Variants in DGKG observed in about 807,000 individuals in gnomAD.
DGKG encodes the protein DAG kinase gamma.
In DGKG, 78 loss-of-function variants were observed where a neutral mutation model predicts 105.3. That is an observed-to-expected ratio of 0.74 (90% confidence interval 0.62 to 0.89). The LOEUF is 0.89. DGKG is among the 40% of genes least tolerant of loss of function. DGKG has a pLI of 0.00. For missense variants in DGKG, 958 were observed against 1,020.1 expected (o/e 0.94, Z 0.83); for synonymous variants, 346 against 367.1 (o/e 0.94, Z 0.66).
intron 17 of DGKG, among the ~76,000 whole-genome samples, chr3:186,255,187 C>T (rs563729685): frequency 1.5e-4 from 23 of 152,350 alleles, no homozygotes; most frequent in African/African-American, 5.0e-4. Context: ...GGGTCTCATT[C>T]TCACAGCATC....
intron 20 of DGKG, among the ~76,000 whole-genome samples, chr3:186,217,836 A>G (rs1231435920): frequency 3.3e-5 from 5 of 152,232 alleles, no homozygotes; most frequent in Non-Finnish European, 7.3e-5. Context: ...AAGTTGTCAA[A>G]ACATGAAAAC....
intron 15 of DGKG, 98 bp from the exon 16 acceptor site, chr3:186,260,611 G>T: frequency 1.1e-6 from 1 of 915,158 alleles, no homozygotes; most frequent in East Asian, 2.5e-5. Context: ...GGAGCCCACT[G>T]GTGGCAGGGA....
intron 1 of DGKG, among the ~76,000 whole-genome samples, chr3:186,354,839 G>T (rs1726830394): frequency 6.6e-6 from 1 of 152,138 alleles, no homozygotes; most frequent in African/African-American, 2.4e-5. Context: ...GTGAGACCCT[G>T]GCTCCTATTC....
At chr3:186,153,226 C>T (rs1445724044) in intron 24 of DGKG, among the ~76,000 whole-genome samples, 1 of 152,114 alleles carries the variant, frequency 6.6e-6, no homozygotes, top group African/African-American at 2.4e-5. Flanking sequence ...ATCATATCCT[C>T]ATTTCCAGTC....
chr3:186,315,517 A>C (rs1280875444), intron 2 of DGKG, among the ~76,000 whole-genome samples: 1 of 152,172 alleles, frequency 6.6e-6, no homozygotes, highest in East Asian at 1.9e-4. Flanking sequence ...CCATAAATAA[A>C]TTCAGTTCTC....
intron 24 of DGKG, among the ~76,000 whole-genome samples, chr3:186,152,676 A>G (rs1308127112): frequency 6.6e-6 from 1 of 151,508 alleles, no homozygotes; most frequent in African/African-American, 2.4e-5. Flanking sequence ...ACATTTTTTT[A>G]TTTTTGAGAC....
chr3:186,250,396 A>T lies in DGKG; in HGVS notation c.1761+1363T>A, dbSNP rs138142992. Among the ~76,000 whole-genome samples the T allele has an allele frequency of 9.3e-4, 141 of 152,214 alleles. 1 individual carries two copies. Among genetic ancestry groups the T allele is most frequent in the African/African-American group, 3.3e-3 (137 of 41,526 alleles). On this transcript the variant is annotated intron_variant, in intron 19 of 24. Coordinates refer to ENST00000265022, the MANE Select transcript of DGKG (RefSeq NM_001346.3). The stretch of plus-strand genomic sequence containing the variant: ...GATGCCGGGCTTAGTACCTAGGTGA[A>T]GGGATGATGTGTGCAGCAACTCACC...
intron 11 of DGKG, among the ~76,000 whole-genome samples, chr3:186,271,954 T>C (rs937692269): frequency 6.6e-6 from 1 of 152,242 alleles, no homozygotes; most frequent in African/African-American, 2.4e-5. Flanking sequence ...GTAGCACACA[T>C]CTCACTATTC....
chr3:186,184,795 T>C (rs1717541526), intron 22 of DGKG, among the ~76,000 whole-genome samples: 1 of 151,872 alleles, frequency 6.6e-6, no homozygotes, highest in Non-Finnish European at 1.5e-5. Context: ...GATTTCTCCC[T>C]CTCCTCCAAC....
At chr3:186,192,726 T>C (rs1167671072) in intron 21 of DGKG, among the ~76,000 whole-genome samples, 1 of 152,196 alleles carries the variant, frequency 6.6e-6, no homozygotes, top group African/African-American at 2.4e-5. Flanking sequence ...GCTAGGCTTA[T>C]AGCAAAATTA....
chr3:186,250,846 G>T (rs1721186748), intron 19 of DGKG, among the ~76,000 whole-genome samples: 1 of 151,972 alleles, frequency 6.6e-6, no homozygotes, highest in Non-Finnish European at 1.5e-5. Flanking sequence ...TACCGTGCCT[G>T]ACCAATTCTG....
intron 17 of DGKG, among the ~76,000 whole-genome samples, chr3:186,256,234 G>C (rs898537941): frequency 2.0e-5 from 3 of 152,148 alleles, no homozygotes; most frequent in East Asian, 3.9e-4. Context: ...CAAAGCGCCC[G>C]GGGGAGTGGC....
intron 5 of DGKG, among the ~76,000 whole-genome samples, chr3:186,289,961 C>T (rs1299334014): frequency 6.6e-6 from 1 of 152,104 alleles, no homozygotes; most frequent in African/African-American, 2.4e-5. Flanking sequence ...TCCAGGGATT[C>T]AGTTGTGGGT....
intron 21 of DGKG, among the ~76,000 whole-genome samples, chr3:186,196,515 C>T (rs1366555976): frequency 6.6e-6 from 1 of 152,156 alleles, no homozygotes; most frequent in Admixed American, 6.6e-5. Flanking sequence ...GTCCAAATAT[C>T]TCATTTTATA....
At chr3:186,227,293 T>A (rs1325352519) in intron 20 of DGKG, among the ~76,000 whole-genome samples, 1 of 152,190 alleles carries the variant, frequency 6.6e-6, no homozygotes, top group Non-Finnish European at 1.5e-5. Flanking sequence ...AAACTTCAAA[T>A]CCATTGATTT....
chr3:186,275,945 GATCTATCTATCTATCTATCTATCT>G lies in DGKG; in HGVS notation c.793-305_793-282del, dbSNP rs146027394. Among the ~76,000 whole-genome samples the G allele has an allele frequency of 6.2e-3, 927 of 148,694 alleles. 9 individuals are homozygous for G. Among genetic ancestry groups the G allele is most frequent in the African/African-American group, 0.019 (773 of 40,288 alleles). ...AGAAGCATAAACTGAACAACAATCT[GATCTATCTATCTATCTATCTATCT>G]ATCTATCTATCTATCTATCTATCTA... On this transcript the variant is annotated intron_variant, in intron 9 of 24. Transcript: ENST00000265022.
chr3:186,230,392 A>G (rs1432798580), intron 20 of DGKG, among the ~76,000 whole-genome samples: 1 of 152,228 alleles, frequency 6.6e-6, no homozygotes, highest in Non-Finnish European at 1.5e-5. Context: ...GCATTTTGAA[A>G]CAAGTGATGA....
chr3:186,161,962 T>C (rs1400029060), intron 23 of DGKG, among the ~76,000 whole-genome samples: 2 of 152,184 alleles, frequency 1.3e-5, no homozygotes, highest in Non-Finnish European at 2.9e-5. Context: ...TGGCATGATC[T>C]TGGCTCACTG....
intron 24 of DGKG, among the ~76,000 whole-genome samples, chr3:186,150,714 C>T (rs759271370): frequency 5.3e-4 from 80 of 152,212 alleles, no homozygotes; most frequent in Non-Finnish European, 6.8e-4. Flanking sequence ...CAATTGAGTG[C>T]CTTATGTATT....
Sources: allele counts gnomAD v4.1 joint callset (sites outside exome capture counted in the v4.1 genomes callset), GRCh38; gene constraint gnomAD v4.1.1; transcripts MANE v1.5; gene names NCBI Gene and HGNC (gene_info 2026-07-23, HGNC 2026-07-21).